The following VTI1A variants were observed in gnomAD, a reference collection of about 807,000 sequenced individuals.
VTI1A encodes vesicle transport through interaction with t-SNAREs homolog 1A.
In VTI1A, 22 loss-of-function variants were observed where a neutral mutation model predicts 34.9. The ratio of observed to expected loss-of-function variants is 0.63; its 90% CI spans 0.45 to 0.90. The LOEUF is 0.90. Ranked by LOEUF, VTI1A falls within the 40% of genes least tolerant of loss-of-function variation. The pLI is 0.00. For synonymous variants in VTI1A, 87 were observed against 97.3 expected (o/e 0.89, Z 0.62); for missense variants, 268 against 275.6 (o/e 0.97, Z 0.20).
chr10:112,634,640 C>G (rs959844164), intron 5 of VTI1A, among the ~76,000 whole-genome samples: 1 of 151,944 alleles, frequency 6.6e-6, no homozygotes, highest in Non-Finnish European at 1.5e-5. Flanking sequence ...GTCCCTGTGA[C>G]AAGGTGGTTT....
chr10:112,830,849 A>ATATATATATATATATATATATATAT, the VTI1A span, among the ~76,000 whole-genome samples: 40 of 33,470 alleles, frequency 1.2e-3, no homozygotes, highest in Non-Finnish European at 1.7e-3. Context: ...ATATATATAT[A>ATATATATATATATATATATATATAT]TTTTTTTTTT....
chr10:112,502,295 A>C (rs749645419), intron 3 of VTI1A, among the ~76,000 whole-genome samples: 1 of 151,922 alleles, frequency 6.6e-6, no homozygotes, highest in Non-Finnish European at 1.5e-5. Flanking sequence ...TGTCCTCCCA[A>C]AGTGTTGAGA....
chr10:112,845,879 G>A, the VTI1A span, among the ~76,000 whole-genome samples: 8 of 152,166 alleles, frequency 5.3e-5, no homozygotes, highest in East Asian at 1.9e-4. Context: ...TTAGCCGGGC[G>A]TGGTGGCACG....
At chr10:112,827,639 A>G in the VTI1A span, 1 of 152,190 alleles carries the variant, frequency 6.6e-6, no homozygotes, top group Admixed American at 6.5e-5. Context: ...GGCTCTACAT[A>G]TCGTTAGTAC....
At chr10:112,596,484 TTAAC>T (rs762260096) in intron 5 of VTI1A, among the ~76,000 whole-genome samples, 2 of 152,178 alleles carry the variant, frequency 1.3e-5, no homozygotes, top group Non-Finnish European at 2.9e-5. Flanking sequence ...TTAAAACTAT[TTAAC>T]TAATATTGCA....
At chr10:112,625,343 G>T (rs534445215) in intron 5 of VTI1A, among the ~76,000 whole-genome samples, 3 of 152,068 alleles carry the variant, frequency 2.0e-5, no homozygotes, top group Non-Finnish European at 4.4e-5. Context: ...GGTAACTCAG[G>T]AATGGAAAAC....
chr10:112,828,077 A>G, the VTI1A span, among the ~76,000 whole-genome samples: 1 of 152,156 alleles, frequency 6.6e-6, no homozygotes, highest in Admixed American at 6.5e-5. Flanking sequence ...ACTCCACCCA[A>G]GGACTGATAT....
At chr10:112,515,174 T>C (rs920724892) in intron 3 of VTI1A, among the ~76,000 whole-genome samples, 1 of 152,038 alleles carries the variant, frequency 6.6e-6, no homozygotes, top group African/African-American at 2.4e-5. Context: ...TACATATTTG[T>C]TTGTTTCTCT....
intron 7 of VTI1A, among the ~76,000 whole-genome samples, chr10:112,768,477 C>T (rs1355921164): frequency 1.3e-5 from 2 of 152,164 alleles, no homozygotes; most frequent in African/African-American, 2.4e-5. Flanking sequence ...TGGTATTCCC[C>T]CATGATCGTC....
chr10:112,635,282 G>T (rs1228098516), intron 5 of VTI1A, among the ~76,000 whole-genome samples: 1 of 152,192 alleles, frequency 6.6e-6, no homozygotes, highest in Non-Finnish European at 1.5e-5. Context: ...GATCCCTTTG[G>T]TAAAGGCAGA....
chr10:112,456,621 A>C (rs192276819), intron 1 of VTI1A, among the ~76,000 whole-genome samples: 4 of 152,272 alleles, frequency 2.6e-5, no homozygotes, highest in Admixed American at 6.5e-5. Context: ...AAATGGATGC[A>C]GTGGGCATCT....
At chr10:112,791,209 T>A (rs1258341399) in intron 7 of VTI1A, among the ~76,000 whole-genome samples, 3 of 152,226 alleles carry the variant, frequency 2.0e-5, no homozygotes, top group African/African-American at 7.2e-5. Flanking sequence ...TGTTTCACTT[T>A]CATTTATCTC....
chr10:112,807,005 A>C (rs1853109148), intron 7 of VTI1A, among the ~76,000 whole-genome samples: 1 of 152,228 alleles, frequency 6.6e-6, no homozygotes, highest in Non-Finnish European at 1.5e-5. Flanking sequence ...TGCTCTGCTC[A>C]TGAATGGAAT....
At chr10:112,830,844 TA>T in the VTI1A span, among the ~76,000 whole-genome samples, 837 of 56,774 alleles carry the variant, frequency 0.015, 39 homozygotes, top group African/African-American at 0.034. Context: ...TATATATATA[TA>T]TATATTTTTT....
chr10:112,840,493 T>G, the VTI1A span, among the ~76,000 whole-genome samples: 1 of 152,210 alleles, frequency 6.6e-6, no homozygotes, highest in Non-Finnish European at 1.5e-5. Flanking sequence ...CAAATAGCCT[T>G]CGCTTGTTCT....
At chr10:112,481,363 C>G (rs976526442) in intron 3 of VTI1A, among the ~76,000 whole-genome samples, 1 of 152,140 alleles carries the variant, frequency 6.6e-6, no homozygotes, top group Admixed American at 6.5e-5. Flanking sequence ...TTCAATTAAG[C>G]TTAACAAGAA....
chr10:112,542,158 A>C (rs1359142509), intron 5 of VTI1A, among the ~76,000 whole-genome samples: 1 of 152,214 alleles, frequency 6.6e-6, no homozygotes, highest in Non-Finnish European at 1.5e-5. Context: ...CCAGAATTAC[A>C]ATAGGCACAA....
chr10:112,447,023 A>G, upstream of VTI1A: 1 of 276,932 alleles, frequency 3.6e-6, no homozygotes, highest in Non-Finnish European at 7.1e-6. Context: ...GTGGATCCGG[A>G]GCCGATTCCC....
chr10:112,552,992 A>G (rs1851416562), intron 5 of VTI1A, among the ~76,000 whole-genome samples: 1 of 152,196 alleles, frequency 6.6e-6, no homozygotes, highest in Admixed American at 6.5e-5. Flanking sequence ...GCATTTTTGT[A>G]TAAGGTTGTC....
Sources: allele counts gnomAD v4.1 joint callset (sites outside exome capture counted in the v4.1 genomes callset), GRCh38; gene constraint gnomAD v4.1.1; transcripts MANE v1.5; gene names NCBI Gene and HGNC (gene_info 2026-07-23, HGNC 2026-07-21).